CNTNAP2: variants seen among roughly 807,000 people sequenced by gnomAD.
The protein encoded by CNTNAP2 is contactin associated protein 2.
Under a neutral mutation model 155.2 loss-of-function variants are expected in CNTNAP2, and 98 were observed. The observed-to-expected ratio is 0.63, with a 90% CI of 0.54 to 0.75. CNTNAP2 has a LOEUF of 0.75. Among genes scored for constraint, CNTNAP2 ranks in the 30% least tolerant of loss-of-function variants. CNTNAP2 has a pLI of 0.00. For synonymous variants in CNTNAP2, 651 were observed against 631.2 expected (o/e 1.03, Z -0.47); for missense variants, 1,727 against 1,688.1 (o/e 1.02, Z -0.40).
intron 15 of CNTNAP2, among the ~76,000 whole-genome samples, chr7:148,037,040 C>T (rs1351464423): frequency 6.6e-6 from 1 of 152,168 alleles, no homozygotes; most frequent in Non-Finnish European, 1.5e-5. Context: ...TGCTAGGCCT[C>T]TTTAAAATTT....
chr7:147,702,055 GTTTTTTTTTTTT>G, intron 13 of CNTNAP2, among the ~76,000 whole-genome samples: 1 of 111,906 alleles, frequency 8.9e-6, no homozygotes, highest in East Asian at 2.7e-4. Context: ...ACTTTGGTTG[GTTTTTTTTTTTT>G]TTTTTTTTTT....
chr7:147,532,910 A>G (rs575222116), intron 11 of CNTNAP2, among the ~76,000 whole-genome samples: 21 of 152,322 alleles, frequency 1.4e-4, no homozygotes, highest in African/African-American at 5.1e-4. Context: ...TCTGGGAGAT[A>G]CAACTCAAGT....
At chr7:146,590,940 CT>C (rs749141035) in intron 1 of CNTNAP2, among the ~76,000 whole-genome samples, 37 of 151,878 alleles carry the variant, frequency 2.4e-4, no homozygotes, top group Admixed American at 2.3e-3. Flanking sequence ...GATTTTTTTA[CT>C]GTTAAGTTCT....
intron 3 of CNTNAP2, among the ~76,000 whole-genome samples, chr7:146,862,752 C>T (rs542193254): frequency 1.3e-5 from 2 of 152,168 alleles, no homozygotes; most frequent in Middle Eastern, 3.2e-3. Flanking sequence ...GTGAAACATA[C>T]ATATGCACTC....
chr7:147,279,275 TATA>T (rs1239421870), intron 8 of CNTNAP2, among the ~76,000 whole-genome samples: 2 of 151,784 alleles, frequency 1.3e-5, no homozygotes, highest in Non-Finnish European at 3.0e-5. Flanking sequence ...AATATAATGC[TATA>T]ATTTCTTGAT....
At chr7:146,306,821 G>A (rs906554468) in intron 1 of CNTNAP2, among the ~76,000 whole-genome samples, 10 of 152,094 alleles carry the variant, frequency 6.6e-5, no homozygotes, top group African/African-American at 2.4e-4. Flanking sequence ...AGGTCTTGAT[G>A]TACATATCTC....
At chr7:146,518,901 G>T (rs1466844244) in intron 1 of CNTNAP2, among the ~76,000 whole-genome samples, 1 of 151,846 alleles carries the variant, frequency 6.6e-6, no homozygotes, top group Non-Finnish European at 1.5e-5. Context: ...GTGCTTTTGT[G>T]ATTTTTGCAT....
At position 148,065,359 on chromosome 7, in the gene CNTNAP2, T is replaced by C. The variant is rs193078826; in HGVS notation, c.2384-52759T>C. On this transcript the variant is annotated intron_variant, in intron 15 of 23. Transcript: ENST00000361727. ...ATTGCTTCTTTGTTGACTTTCTGTC[T>C]TGATATCCAGTGCTGTCAGTGGAAT... 3.1e-3 allele frequency among the ~76,000 whole-genome samples: 473 copies of C among 152,280 alleles called. 3 individuals are homozygous for C. The highest frequency in any genetic ancestry group is 4.2e-3 in the Non-Finnish European group (286 of 67,974).
chr7:147,438,809 A>T (rs1797593941), intron 10 of CNTNAP2, among the ~76,000 whole-genome samples: 1 of 151,856 alleles, frequency 6.6e-6, no homozygotes, highest in Admixed American at 6.6e-5. Context: ...TTGTGGTTCA[A>T]TCTCAGTAGG....
intron 13 of CNTNAP2, among the ~76,000 whole-genome samples, chr7:147,683,391 A>G (rs1795974992): frequency 6.6e-6 from 1 of 151,912 alleles, no homozygotes; most frequent in Non-Finnish European, 1.5e-5. Context: ...AATAAAATTC[A>G]ACAAAGAAAT....
chr7:147,208,121 A>G (rs1448533337), intron 8 of CNTNAP2, among the ~76,000 whole-genome samples: 1 of 152,016 alleles, frequency 6.6e-6, no homozygotes, highest in Non-Finnish European at 1.5e-5. Flanking sequence ...CCTATTTCTA[A>G]TTGTTGTTTG....
intron 21 of CNTNAP2, among the ~76,000 whole-genome samples, chr7:148,339,201 A>C (rs7792210): frequency 0.67 from 101,326 of 151,182 alleles, 34,434 homozygotes; most frequent in East Asian, 0.96. Context: ...CTTGTAGGTC[A>C]ACAGTATCAA....
chr7:148,085,208 T>G (rs1316343453), intron 15 of CNTNAP2, among the ~76,000 whole-genome samples: 2 of 152,234 alleles, frequency 1.3e-5, no homozygotes, highest in Non-Finnish European at 2.9e-5. Context: ...CCCTTTGGAT[T>G]ATTTATGTAA....
intron 9 of CNTNAP2, among the ~76,000 whole-genome samples, chr7:147,379,593 A>G (rs890773592): frequency 6.6e-6 from 1 of 152,110 alleles, no homozygotes; most frequent in Admixed American, 6.6e-5. Flanking sequence ...CTGTAATTTA[A>G]TTCAGCAAGT....
intron 1 of CNTNAP2, among the ~76,000 whole-genome samples, chr7:146,178,592 C>T (rs1798505969): frequency 6.6e-6 from 1 of 152,112 alleles, no homozygotes; most frequent in Admixed American, 6.5e-5. Flanking sequence ...ATTTGGCCTC[C>T]AGTGTGCAAT....
At chr7:148,400,012 C>T (rs1044402355) in intron 22 of CNTNAP2, among the ~76,000 whole-genome samples, 3 of 152,158 alleles carry the variant, frequency 2.0e-5, no homozygotes, top group Non-Finnish European at 2.9e-5. Flanking sequence ...CCACCCGAGA[C>T]CAACTCAGGC....
chr7:146,312,023 A>G (rs556391801), intron 1 of CNTNAP2, among the ~76,000 whole-genome samples: 44 of 152,314 alleles, frequency 2.9e-4, no homozygotes, highest in African/African-American at 1.0e-3. Context: ...AGGATTTTCA[A>G]TGAGAGAAGA....
intron 12 of CNTNAP2, among the ~76,000 whole-genome samples, chr7:147,630,143 C>T (rs1387285494): frequency 6.6e-6 from 1 of 151,404 alleles, no homozygotes; most frequent in Non-Finnish European, 1.5e-5. Flanking sequence ...AATATTACAA[C>T]CAATACCACA....
At chr7:147,818,596 G>C (rs1449129371) in intron 13 of CNTNAP2, among the ~76,000 whole-genome samples, 1 of 152,130 alleles carries the variant, frequency 6.6e-6, no homozygotes. Context: ...TTGGAAATAG[G>C]TGGAGCCACT....
Sources: allele counts gnomAD v4.1 joint callset (sites outside exome capture counted in the v4.1 genomes callset), GRCh38; gene constraint gnomAD v4.1.1; transcripts MANE v1.5; gene names NCBI Gene and HGNC (gene_info 2026-07-23, HGNC 2026-07-21).